HUWE1: variants seen among roughly 807,000 people sequenced by gnomAD.
HUWE1 encodes HECT, UBA and WWE domain containing E3 ubiquitin protein ligase 1.
HUWE1 carries 18 observed loss-of-function variants against 299.4 expected under a neutral mutation model. The ratio of observed to expected loss-of-function variants is 0.06; its 90% CI spans 0.04 to 0.09. The LOEUF (loss-of-function observed/expected upper bound fraction) is 0.09, where lower values mean the gene tolerates loss of function less well. Among genes scored for constraint, HUWE1 ranks in the 10% least tolerant of loss-of-function variants. HUWE1 has a pLI of 1.00. For synonymous variants in HUWE1, 1,317 were observed against 1,286.1 expected (o/e 1.02, Z -0.51); for missense variants, 1,832 against 3,462.3 (o/e 0.53, Z 11.82).
chrX:53,541,297 G>A (rs1227503308), intron 74 of HUWE1, among the ~76,000 whole-genome samples: 1 of 112,079 alleles, frequency 8.9e-6, no homozygotes, highest in Non-Finnish European at 1.9e-5. Context: ...TAAAACACGG[G>A]AGACTAAGGC....
intron 70 of HUWE1, among the ~76,000 whole-genome samples, chrX:53,545,386 G>A: frequency 9.0e-6 from 1 of 111,539 alleles, no homozygotes. Flanking sequence ...GAATCTGCAT[G>A]AAATGAGTTT....
chrX:53,596,915 G>A (rs1373745605), intron 29 of HUWE1, among the ~76,000 whole-genome samples: 1 of 112,383 alleles, frequency 8.9e-6, no homozygotes, highest in Admixed American at 9.4e-5. Flanking sequence ...ACAAACAAAA[G>A]GAAATTAGTG....
intron 19 of HUWE1, 91 bp from the exon 20 acceptor site, chrX:53,617,537 C>G: frequency 1.8e-6 from 1 of 556,230 alleles, no homozygotes; most frequent in African/African-American, 2.3e-5. Flanking sequence ...AATACATACT[C>G]AATGTCTAGC....
At chrX:53,590,897 G>C in intron 34 of HUWE1, 103 bp downstream of exon 34, 1 of 986,451 alleles carries the variant, frequency 1.0e-6, no homozygotes, top group Non-Finnish European at 1.4e-6. Flanking sequence ...AAAATGAGAA[G>C]CAGTTTATAG....
chrX:53,574,010 T>C (rs782482533), intron 46 of HUWE1, 46 bp from the exon 47 acceptor site: 1 of 1,075,592 alleles, frequency 9.3e-7, no homozygotes, highest in East Asian at 3.0e-5. Context: ...ACTGGAACAC[T>C]GGCAAAATCA....
At chrX:53,580,087 GCTC>G (rs1454724338) in intron 43 of HUWE1, among the ~76,000 whole-genome samples, 6 of 111,145 alleles carry the variant, frequency 5.4e-5, no homozygotes, top group African/African-American at 9.8e-5. Flanking sequence ...TCTACTTGTA[GCTC>G]CTAAGATCAA....
chrX:53,602,083 C>T (rs1360686311), intron 28 of HUWE1, among the ~76,000 whole-genome samples: 1 of 112,040 alleles, frequency 8.9e-6, no homozygotes, highest in African/African-American at 3.2e-5. Context: ...CTAGTAGCCA[C>T]ATTAAAAAGT....
intron 3 of HUWE1, among the ~76,000 whole-genome samples, chrX:53,656,233 G>A (rs1000999231): frequency 3.6e-5 from 4 of 109,903 alleles, no homozygotes; most frequent in African/African-American, 1.0e-4. Flanking sequence ...AAAAGTAGCC[G>A]GGCGTGGAAG....
chrX:53,578,512 G>A (rs1399614097), intron 43 of HUWE1, among the ~76,000 whole-genome samples: 4 of 95,911 alleles, frequency 4.2e-5, no homozygotes, highest in African/African-American at 1.6e-4. Flanking sequence ...CCGGCCAGCC[G>A]CCCAGTCCGG....
chrX:53,629,515 C>A lies in HUWE1; in HGVS notation c.963+1G>T. ...GGTTACTCAACCTGTAAAATACTTACCATAAGCTGCTTATCCGTTATCTGA... is the reference window on the plus strand; with the variant it reads ...GGTTACTCAACCTGTAAAATACTTAACATAAGCTGCTTATCCGTTATCTGA... On this transcript the variant is annotated splice_donor_variant, in intron 13 of 83. Transcript: ENST00000262854. LOFTEE classifies it high-confidence loss of function. The A allele has an allele frequency of 8.8e-7, 1 of 1,134,584 alleles. No individual in the cohort carries two copies. The allele number at this position is 1,134,584 out of a possible 1,213,427, so 93.5% of individuals were successfully genotyped here.
chrX:53,604,206 T>C (rs2065038229), intron 26 of HUWE1, among the ~76,000 whole-genome samples: 1 of 112,048 alleles, frequency 8.9e-6, no homozygotes, highest in Admixed American at 9.4e-5. Context: ...GGTCAAACGT[T>C]TGATATGTAG....
At chrX:53,621,190 C>T (rs1248768065) in intron 19 of HUWE1, among the ~76,000 whole-genome samples, 3 of 111,021 alleles carry the variant, frequency 2.7e-5, no homozygotes, top group Non-Finnish European at 5.7e-5. Context: ...ACTGGCACTT[C>T]GGCATGCCAA....
At chrX:53,546,157 G>C (rs2061532991) in intron 70 of HUWE1, among the ~76,000 whole-genome samples, 1 of 111,479 alleles carries the variant, frequency 9.0e-6, no homozygotes, top group African/African-American at 3.3e-5. Context: ...AGGAGGCGCT[G>C]CTGTTCCCAT....
At position 53,604,618 on chromosome X, in the gene HUWE1, T is replaced by G; in HGVS notation, c.2713A>C (p.Met905Leu). ...ALTAAHAYIMMFVHTCRVGQS... is the reference protein window; with the variant it reads ...ALTAAHAYIMLFVHTCRVGQS... ...CCAACTCTGCAAGTATGAACAAACATCATGATGTAGGCATGGGCAGCAGTG... is the reference window on the plus strand; with the variant it reads ...CCAACTCTGCAAGTATGAACAAACAGCATGATGTAGGCATGGGCAGCAGTG... Residue 905 changes from methionine (M) to leucine (L), a missense_variant, in exon 26 of 84, where the codon ATG becomes CTG. Coordinates refer to ENST00000262854, the MANE Select transcript of HUWE1 (RefSeq NM_031407.7). 3 of 1,211,515 alleles carry G rather than the reference T, an allele frequency of 2.5e-6. No individual in the cohort carries two copies. The highest frequency in any genetic ancestry group is 3.4e-6 in the Non-Finnish European group (3 of 895,133).
chrX:53,602,232 T>C (rs1352275486), intron 28 of HUWE1, among the ~76,000 whole-genome samples: 1 of 110,959 alleles, frequency 9.0e-6, no homozygotes, highest in Non-Finnish European at 1.9e-5. Flanking sequence ...TACCTTTATA[T>C]GGTACCTAAC....
Position 53,595,441 on chromosome X carries a change from C to T in HUWE1, c.3164-38G>A, listed in dbSNP as rs781920499. 1.0e-5 allele frequency: 11 copies of T among 1,049,715 alleles called. No individual in the cohort carries two copies. In the East Asian group the frequency reaches 3.4e-4, roughly 33 times the overall value. 86.5% of individuals were successfully genotyped at this position (1,049,715 alleles called of 1,213,427 possible). On this transcript the variant is annotated intron_variant, in intron 29 of 83. Coordinates refer to ENST00000262854, the MANE Select transcript of HUWE1 (RefSeq NM_031407.7). ...AATCAGAATAAGACTGTACAGTATT[C>T]TCAGAATGGTTTAATTACAACAGAC...
chrX:53,556,355 C>A, intron 60 of HUWE1: 1 of 342,817 alleles, frequency 2.9e-6, no homozygotes. Context: ...ATAAGGGCAG[C>A]AGGCAAAAGG....
chrX:53,675,748 T>A (rs1014828684), intron 3 of HUWE1, among the ~76,000 whole-genome samples: 4 of 111,752 alleles, frequency 3.6e-5, no homozygotes, highest in Non-Finnish European at 7.5e-5. Context: ...TTTAAAAAAA[T>A]AAGATTTACC....
chrX:53,677,671 A>C (rs972931122), intron 3 of HUWE1, among the ~76,000 whole-genome samples: 8 of 110,725 alleles, frequency 7.2e-5, no homozygotes, highest in Non-Finnish European at 1.3e-4. Flanking sequence ...TAAGAAAATA[A>C]TCATAGCAAA....
Sources: allele counts gnomAD v4.1 joint callset (sites outside exome capture counted in the v4.1 genomes callset), GRCh38; gene constraint gnomAD v4.1.1; transcripts MANE v1.5; gene names NCBI Gene and HGNC (gene_info 2026-07-23, HGNC 2026-07-21).